Variants in NEB observed in about 807,000 individuals in gnomAD.
The protein encoded by NEB is nebulin.
In NEB, 512 loss-of-function variants were observed where a neutral mutation model predicts 952.2. The ratio of observed to expected loss-of-function variants is 0.54; its 90% CI spans 0.50 to 0.58. The LOEUF (loss-of-function observed/expected upper bound fraction) is 0.58. Ranked by LOEUF, NEB falls within the 20% of genes least tolerant of loss-of-function variation. NEB has a pLI of 0.00. For synonymous variants in NEB, 2,900 were observed against 3,149.8 expected, an observed-to-expected ratio of 0.92 and a Z score of 2.66; for missense variants, 8,428 against 9,231.1, an observed-to-expected ratio of 0.91 and a Z score of 3.56.
Position 151,709,660 on chromosome 2 carries a change from C to G in NEB, c.1031G>C (p.Ser344Thr), listed in dbSNP as rs1224318643. 6.3e-7 allele frequency: 1 copy of G among 1,586,498 alleles called. No individual in the cohort carries two copies. The change falls in exon 12 of 182, where the codon AGC (serine) becomes ACC (threonine). Residue 344 changes from serine (S) to threonine (T), a missense_variant. By Grantham distance (58) the Ser-to-Thr change is moderately conservative (BLOSUM62 1). Around this residue, in one of 11 missense-constraint regions of NEB, gnomAD observed 2,851 missense variants for 2,791.5 expected, o/e 1.02. Coordinates refer to ENST00000397345, the MANE Select transcript of NEB (RefSeq NM_001164508.2). The part of the protein sequence containing the change: ...KMNKKAGVAA[S>T]KVKYKEDYEK... ...AATGGGATGATTTCCTCATACCTTG[C>G]TAGCTGCCACACCAGCTTTTTTATT...
intron 169 of NEB, among the ~76,000 whole-genome samples, chr2:151,498,577 G>GTTATT (rs2061980231): frequency 6.6e-6 from 1 of 152,102 alleles, no homozygotes; most frequent in Non-Finnish European, 1.5e-5. Context: ...AAGAAAGGTT[G>GTTATT]TTATTTTCAT....
rs752246621 is a variant in NEB, at chr2:151,513,676, GT to G, written c.23144del (p.Asp7715AlafsTer11). 3 of 1,602,838 alleles carry G rather than the reference GT, an allele frequency of 1.9e-6. No individual in the cohort carries two copies. Among genetic ancestry groups the G allele is most frequent in the Admixed American group, 3.4e-5 (2 of 58,804 alleles). The part of the protein sequence containing the change: ...QILNEKEYKR[D>X]LELEVKGRGL... Reference sequence around the variant, plus strand: ...CTCTTCCTTTGACTTCCAGTTCCAGGTCTCGCTTATATTCTTTCTATAGTAG... The same window carrying G: ...CTCTTCCTTTGACTTCCAGTTCCAGGCTCGCTTATATTCTTTCTATAGTAG... On this transcript the variant is annotated frameshift_variant, in exon 160 of 182. Transcript: ENST00000397345. LOFTEE classifies it high-confidence loss of function.
intron 135 of NEB, among the ~76,000 whole-genome samples, chr2:151,544,250 T>C (rs1276266235): frequency 1.3e-5 from 2 of 152,198 alleles, no homozygotes; most frequent in African/African-American, 4.8e-5. Flanking sequence ...TTTTAGATAA[T>C]TCTGAGCCCA....
chr2:151,656,104 C>G (rs2099083213), intron 49 of NEB, 49 bp downstream of exon 49: 4 of 1,575,974 alleles, frequency 2.5e-6, no homozygotes, highest in Non-Finnish European at 3.5e-6. Context: ...TGTGATCTCC[C>G]TTCCCATGCT....
At chr2:151,708,617 T>C (rs2099732864) in intron 12 of NEB, among the ~76,000 whole-genome samples, 1 of 152,200 alleles carries the variant, frequency 6.6e-6, no homozygotes, top group Non-Finnish European at 1.5e-5. Flanking sequence ...ACTCTCTGTA[T>C]GTTGATGACA....
intron 5 of NEB, among the ~76,000 whole-genome samples, chr2:151,726,166 G>C: frequency 6.6e-6 from 1 of 152,118 alleles, no homozygotes; most frequent in East Asian, 1.9e-4. Context: ...TTATACTATT[G>C]ATTTGGTTAC....
chr2:151,523,145 T>C (rs2083131923), intron 153 of NEB, among the ~76,000 whole-genome samples: 1 of 152,264 alleles, frequency 6.6e-6, no homozygotes, highest in African/African-American at 2.4e-5. Context: ...TAAGTTCTTG[T>C]TACATCTCAT....
At chr2:151,518,173 A>C in intron 156 of NEB, 145 bp downstream of exon 156, 1 of 684,680 alleles carries the variant, frequency 1.5e-6, no homozygotes, top group Non-Finnish European at 2.7e-6. Context: ...TAACATAAGA[A>C]TTTGTTTCAA....
intron 12 of NEB, among the ~76,000 whole-genome samples, chr2:151,708,110 A>G (rs1288182852): frequency 6.6e-6 from 1 of 152,020 alleles, no homozygotes; most frequent in East Asian, 1.9e-4. Context: ...TTCCCCTTCC[A>G]CCTGCTCTAG....
At chr2:151,494,303 G>A in intron 173 of NEB, 50 bp from the exon 174 acceptor site, 1 of 1,286,348 alleles carries the variant, frequency 7.8e-7, no homozygotes, top group African/African-American at 1.5e-5. Flanking sequence ...AGAGTTAACA[G>A]TTACCAAAAA....
intron 138 of NEB, among the ~76,000 whole-genome samples, chr2:151,539,130 G>T (rs1291520976): frequency 6.6e-6 from 1 of 152,142 alleles, no homozygotes; most frequent in Admixed American, 6.6e-5. Context: ...CCCTAGGGAT[G>T]GTGCTGTCCA....
chr2:151,659,211 A>C (rs748724373), intron 46 of NEB, 42 bp from the exon 47 acceptor site: 1 of 1,347,696 alleles, frequency 7.4e-7, no homozygotes, highest in Admixed American at 1.7e-5. Flanking sequence ...AAATCTTAAA[A>C]GAAGCTCACT....
At chr2:151,719,006 T>A (rs2099766970) in intron 9 of NEB, among the ~76,000 whole-genome samples, 1 of 152,154 alleles carries the variant, frequency 6.6e-6, no homozygotes, top group South Asian at 2.1e-4. Flanking sequence ...TTCCTCTCCA[T>A]GGCTCAGGAC....
In NEB at chr2:151,662,152, C is replaced by T; in HGVS notation, c.5953G>A (p.Ala1985Thr). The T allele has an allele frequency of 1.2e-6, 2 of 1,612,274 alleles. No individual in the cohort carries two copies. The highest frequency in any genetic ancestry group is 1.7e-6 in the Non-Finnish European group (2 of 1,178,966). ...AGACTTACTTCGTTCATAATTTTTG[C>T]ATTATTCTGGGCCAAAACCATGTTC... ...SMNMVLAQNN[A>T]KIMNEHLYKQ... Residue 1985 changes from alanine to threonine, a missense_variant, in exon 46 of 182, where the codon GCA becomes ACA. Around this residue, in one of 11 missense-constraint regions of NEB, gnomAD observed 2,851 missense variants for 2,791.5 expected, o/e 1.02. Transcript: ENST00000397345.
chr2:151,628,830 C>G (rs1039227755), intron 68 of NEB, among the ~76,000 whole-genome samples: 1 of 152,080 alleles, frequency 6.6e-6, no homozygotes, highest in Non-Finnish European at 1.5e-5. Context: ...CCATTGCACT[C>G]TAGCCTGGGC....
chr2:151,671,543 CACTT>C (rs1430998329), intron 37 of NEB, among the ~76,000 whole-genome samples: 3 of 151,664 alleles, frequency 2.0e-5, no homozygotes, highest in African/African-American at 7.3e-5. Flanking sequence ...TTTTTCAAGT[CACTT>C]ACTGTATTAT....
At chr2:151,680,935 ATTTT>A in intron 29 of NEB, 107 bp from the exon 30 acceptor site, 2 of 919,040 alleles carry the variant, frequency 2.2e-6, no homozygotes, top group Admixed American at 1.9e-5. Flanking sequence ...GTTTTTCATG[ATTTT>A]AAAATGCAAA....
chr2:151,729,551 AAAG>A, intron 4 of NEB, 61 bp downstream of exon 4: 1 of 1,564,988 alleles, frequency 6.4e-7, no homozygotes, highest in Non-Finnish European at 8.8e-7. Flanking sequence ...GGAGTCTAAG[AAAG>A]GAGAAAGCTC....
At position 151,639,905 on chromosome 2, in the gene NEB, G is replaced by A. The variant is rs370996408; in HGVS notation, c.8841C>T (p.Asp2947=). Residue 2947 remains aspartate (D), a synonymous_variant, in exon 62 of 182, where the codon GAC becomes GAT. Coordinates refer to ENST00000397345, the MANE Select transcript of NEB (RefSeq NM_001164508.2). ...TTTTGGCCAACACTTGTTCCAGAGA[G>A]TCAGTCACACTGGTAAATTTGAATC... is the stretch of plus-strand genomic sequence containing the variant. ...PDRFKFTSVT[D]SLEQVLAKNN... is the part of the protein sequence containing the mutation. 3.1e-6 allele frequency: 5 copies of A among 1,613,840 alleles called. No homozygotes were observed. In the African/African-American group the frequency reaches 5.3e-5, roughly 17 times the overall value.
Sources: allele counts gnomAD v4.1 joint callset (sites outside exome capture counted in the v4.1 genomes callset), GRCh38; gene constraint gnomAD v4.1.1; regional missense constraint gnomAD v4.1.1; transcripts MANE v1.5; gene names NCBI Gene and HGNC (gene_info 2026-07-23, HGNC 2026-07-21).